Variants in DIAPH2 observed in about 807,000 individuals in gnomAD.
DIAPH2 encodes the protein diaphanous related formin 2, also known as protein diaphanous homolog 2.
In DIAPH2, 35 loss-of-function variants were observed where a neutral mutation model predicts 92.7. That is an observed-to-expected ratio of 0.38 (90% confidence interval 0.29 to 0.50). The LOEUF is 0.50. DIAPH2 is among the 20% of genes least tolerant of loss of function. DIAPH2 has a pLI of 0.94. For missense variants in DIAPH2, 701 were observed against 819.5 expected, an observed-to-expected ratio of 0.86 and a Z score of 1.77; for synonymous variants, 301 against 280.4, an observed-to-expected ratio of 1.07 and a Z score of -0.73.
At chrX:97,431,561 A>C (rs1250211919) in intron 26 of DIAPH2, 1 of 112,433 alleles carries the variant, frequency 8.9e-6, no homozygotes, top group Non-Finnish European at 1.9e-5. Context: ...AAACTGCATA[A>C]TTTTATAGTA....
chrX:97,101,859 C>T (rs932093438), intron 20 of DIAPH2, among the ~76,000 whole-genome samples: 1 of 111,988 alleles, frequency 8.9e-6, no homozygotes, highest in African/African-American at 3.2e-5. Context: ...AAATTCAATT[C>T]ACTTCTGTGT....
At chrX:97,493,974 T>A (rs1303088225) in intron 26 of DIAPH2, among the ~76,000 whole-genome samples, 1 of 107,890 alleles carries the variant, frequency 9.3e-6, no homozygotes, top group Non-Finnish European at 1.9e-5. Flanking sequence ...CCCAGCACTT[T>A]GGGAGTCTGA....
At chrX:96,881,531 A>G in intron 4 of DIAPH2, 48 bp from the exon 5 acceptor site, 2 of 1,116,616 alleles carry the variant, frequency 1.8e-6, no homozygotes, top group Non-Finnish European at 2.4e-6. Context: ...TTTTACTTAA[A>G]TTTTTTTTGA....
At chrX:97,168,613 T>C (rs1463408748) in intron 22 of DIAPH2, among the ~76,000 whole-genome samples, 1 of 111,755 alleles carries the variant, frequency 8.9e-6, no homozygotes, top group African/African-American at 3.3e-5. Flanking sequence ...GAGCTTACAT[T>C]CTCGAAGTGG....
intron 23 of DIAPH2, among the ~76,000 whole-genome samples, chrX:97,312,451 G>A (rs1796533050): frequency 1.1e-5 from 1 of 91,841 alleles, no homozygotes; most frequent in African/African-American, 4.2e-5. Context: ...CCCAGTTCAA[G>A]AGATTCTCCT....
chrX:97,103,161 C>T (rs1437042433), intron 20 of DIAPH2, among the ~76,000 whole-genome samples: 1 of 111,562 alleles, frequency 9.0e-6, no homozygotes, highest in Admixed American at 9.5e-5. Flanking sequence ...TATGCACTGC[C>T]TACTTTAGGT....
At chrX:96,951,623 C>G (rs2065775873) in intron 15 of DIAPH2, among the ~76,000 whole-genome samples, 2 of 111,455 alleles carry the variant, frequency 1.8e-5, no homozygotes. Context: ...AGGCACAGGG[C>G]TGTATACTTT....
At chrX:97,076,895 C>T (rs2066708830) in intron 19 of DIAPH2, among the ~76,000 whole-genome samples, 1 of 111,251 alleles carries the variant, frequency 9.0e-6, no homozygotes, top group African/African-American at 3.3e-5. Context: ...CTTTACCCAC[C>T]AATTTTGTGC....
At chrX:97,555,070 T>TA (rs5903086) in intron 26 of DIAPH2, among the ~76,000 whole-genome samples, 26 of 98,975 alleles carry the variant, frequency 2.6e-4, no homozygotes, top group African/African-American at 8.8e-4. Flanking sequence ...CTGAAGAGAT[T>TA]AAAAAAAAAA....
Position 97,032,504 on chromosome X carries a change from G to T in DIAPH2, c.2051-40437G>T, listed in dbSNP as rs772665019. Among the ~76,000 whole-genome samples the T allele has an allele frequency of 2.7e-5, 3 of 110,171 alleles. No individual in the cohort carries two copies. The South Asian group carries it at 1.2e-3, about 44-fold the overall frequency. On this transcript the variant is annotated intron_variant, in intron 17 of 26. Coordinates refer to ENST00000324765, the MANE Select transcript of DIAPH2 (RefSeq NM_006729.5). ...CAATTTAGTGCCAGATCTTTGAACT[G>T]ATCAGTTTAATGCCACTAGATAGCT... is the stretch of plus-strand genomic sequence containing the variant.
intron 26 of DIAPH2, among the ~76,000 whole-genome samples, chrX:97,509,970 C>T (rs981033778): frequency 3.8e-4 from 42 of 110,805 alleles, no homozygotes; most frequent in East Asian, 2.8e-4. Context: ...AATAAACATA[C>T]GTGTGCATGT....
intron 21 of DIAPH2, among the ~76,000 whole-genome samples, chrX:97,116,711 A>C (rs2067019350): frequency 8.9e-6 from 1 of 112,166 alleles, no homozygotes; most frequent in South Asian, 3.7e-4. Context: ...TTCATATAAA[A>C]ATATTTAAAA....
chrX:97,345,978 C>A (rs1288958272), intron 23 of DIAPH2, among the ~76,000 whole-genome samples: 1 of 111,311 alleles, frequency 9.0e-6, no homozygotes, highest in Non-Finnish European at 1.9e-5. Flanking sequence ...ATTATAATTT[C>A]TATAAGTATA....
At chrX:97,458,341 C>T (rs770091565) in intron 26 of DIAPH2, among the ~76,000 whole-genome samples, 3 of 99,840 alleles carry the variant, frequency 3.0e-5, no homozygotes, top group East Asian at 3.1e-4. Flanking sequence ...TGAGCTCAAG[C>T]GATTCTCTCA....
rs142625510 is a variant in DIAPH2 at position 96,865,273 on chromosome X, T to C, written c.448-16306T>C. On this transcript the variant is annotated intron_variant, in intron 4 of 26. Transcript: ENST00000324765. The stretch of plus-strand genomic sequence containing the variant: ...AACAATCAGACCTTGGCGATGACCT[T>C]GAGCAGTAGGATATAATAACTCCCA... Among the ~76,000 whole-genome samples, 628 of 111,826 alleles carry C rather than the reference T, an allele frequency of 5.6e-3. 2 individuals are homozygous for C. The highest frequency in any genetic ancestry group is 8.8e-3 in the Non-Finnish European group (469 of 53,163).
intron 23 of DIAPH2, among the ~76,000 whole-genome samples, chrX:97,264,620 G>T (rs1238353669): frequency 1.8e-5 from 2 of 112,513 alleles, no homozygotes; most frequent in African/African-American, 6.5e-5. Flanking sequence ...GGCATCAAGG[G>T]CTACATTACT....
intron 26 of DIAPH2, among the ~76,000 whole-genome samples, chrX:97,483,095 C>G (rs1431192202): frequency 3.6e-5 from 4 of 110,726 alleles, no homozygotes; most frequent in African/African-American, 9.9e-5. Context: ...AGACTCTGTC[C>G]TTTGGGAGTA....
intron 26 of DIAPH2, among the ~76,000 whole-genome samples, chrX:97,500,916 A>G (rs2070793557): frequency 9.3e-6 from 1 of 107,132 alleles, no homozygotes; most frequent in Non-Finnish European, 1.9e-5. Flanking sequence ...GTCTTGTTGA[A>G]TCTACACTTC....
At chrX:96,788,317 A>T (rs1398322258) in intron 4 of DIAPH2, among the ~76,000 whole-genome samples, 1 of 111,883 alleles carries the variant, frequency 8.9e-6, no homozygotes, top group Non-Finnish European at 1.9e-5. Flanking sequence ...ACCTGGAATG[A>T]TAATAATTTA....
Sources: allele counts gnomAD v4.1 joint callset (sites outside exome capture counted in the v4.1 genomes callset), GRCh38; gene constraint gnomAD v4.1.1; transcripts MANE v1.5; gene names NCBI Gene and HGNC (gene_info 2026-07-23, HGNC 2026-07-21).